The following LRP1B variants were observed in gnomAD, a reference collection of about 807,000 sequenced individuals.
The protein encoded by LRP1B is low-density lipoprotein receptor-related protein 1B.
Under a neutral mutation model 556.6 loss-of-function variants are expected in LRP1B, and 217 were observed. That is an observed-to-expected ratio of 0.39 (90% confidence interval 0.35 to 0.44). LRP1B has a LOEUF of 0.44. Among genes scored for constraint, LRP1B ranks in the 20% least tolerant of loss-of-function variants. LRP1B has a pLI of 1.00. For synonymous variants in LRP1B, 2,047 were observed against 1,865.8 expected (o/e 1.10, Z -2.50); for missense variants, 5,053 against 5,620.8 (o/e 0.90, Z 3.23).
At position 141,988,329 on chromosome 2, in the gene LRP1B, G is replaced by A. The variant is rs868075268; in HGVS notation, c.82+142319C>T. On this transcript the variant is annotated intron_variant, in intron 1 of 90. Transcript: ENST00000389484. ...TTTATTCTCTTTATTAAATCACTGA[G>A]GTCCTTGGTTGTAGAATAGATTCAA... Among the ~76,000 whole-genome samples the A allele has an allele frequency of 5.9e-5, 9 of 151,710 alleles. No individual in the cohort carries two copies. The South Asian group carries it at 6.2e-4, about 11-fold the overall frequency.
At position 141,008,152 on chromosome 2, in the gene LRP1B, G is replaced by A. The variant is rs892994361; in HGVS notation, c.2381-2695C>T. 1.3e-5 allele frequency among the ~76,000 whole-genome samples: 2 copies of A among 150,974 alleles called. 1 individual carries two copies. Among genetic ancestry groups the A allele is most frequent in the Non-Finnish European group, 3.0e-5 (2 of 67,530 alleles). On this transcript the variant is annotated intron_variant, in intron 14 of 90. Coordinates refer to ENST00000389484, the MANE Select transcript of LRP1B (RefSeq NM_018557.3). ...AACATGTTTAAGTAACTACAAATAT[G>A]GTGCTAAAAATTTTTATACCTATAT...
At chr2:140,268,950 A>G (rs1433060048) in intron 86 of LRP1B, among the ~76,000 whole-genome samples, 1 of 152,016 alleles carries the variant, frequency 6.6e-6, no homozygotes, top group Non-Finnish European at 1.5e-5. Context: ...TTCCAAATAT[A>G]GCATATGGAA....
At chr2:141,727,948 T>A (rs1420793932) in intron 2 of LRP1B, among the ~76,000 whole-genome samples, 1 of 152,144 alleles carries the variant, frequency 6.6e-6, no homozygotes, top group Non-Finnish European at 1.5e-5. Flanking sequence ...GTTGTTCTTT[T>A]GTTTTTGGTA....
At chr2:140,776,541 G>A (rs11691422) in intron 32 of LRP1B, among the ~76,000 whole-genome samples, 117,324 of 138,378 alleles carry the variant, frequency 0.85, 50,280 homozygotes, top group East Asian at 1. Flanking sequence ...AAATAAAAGC[G>A]TATTTCAAAT....
At chr2:141,979,263 T>G (rs547450818) in intron 1 of LRP1B, among the ~76,000 whole-genome samples, 1 of 152,248 alleles carries the variant, frequency 6.6e-6, no homozygotes, top group South Asian at 2.1e-4. Flanking sequence ...AGCAAAGAGA[T>G]AGAAATGTTT....
At chr2:141,838,427 A>G (rs1305507693) in intron 1 of LRP1B, among the ~76,000 whole-genome samples, 4 of 152,144 alleles carry the variant, frequency 2.6e-5, no homozygotes, top group Non-Finnish European at 5.9e-5. Flanking sequence ...CTATTTAGTG[A>G]CTGTTTGAGT....
At chr2:140,492,746 C>A (rs1475483361) in intron 56 of LRP1B, 53 bp from the exon 57 acceptor site, 1 of 1,247,152 alleles carries the variant, frequency 8.0e-7, no homozygotes, top group South Asian at 1.2e-5. Flanking sequence ...TGCTTTTCCC[C>A]TTTGCATAAT....
chr2:140,798,863 C>T (rs1377029323), intron 32 of LRP1B, among the ~76,000 whole-genome samples: 1 of 152,066 alleles, frequency 6.6e-6, no homozygotes. Context: ...ATGTTAGAGA[C>T]CCAGTTTTGA....
intron 1 of LRP1B, among the ~76,000 whole-genome samples, chr2:142,100,960 G>T (rs991769766): frequency 6.6e-6 from 1 of 151,974 alleles, no homozygotes. Flanking sequence ...AAAAGAAAGA[G>T]AAAGGAAGAG....
intron 29 of LRP1B, 122 bp downstream of exon 29, chr2:140,849,980 C>A: frequency 1.5e-6 from 1 of 655,300 alleles, no homozygotes. Flanking sequence ...AATCTCTAAT[C>A]AATTCTAACT....
chr2:141,053,386 CTTCT>C (rs1248897963), intron 10 of LRP1B, among the ~76,000 whole-genome samples: 3 of 151,926 alleles, frequency 2.0e-5, no homozygotes, highest in East Asian at 2.0e-4. Context: ...CTCTCCTCCT[CTTCT>C]TTATTTTTTG....
chr2:141,568,590 A>T (rs1184060603), intron 2 of LRP1B, among the ~76,000 whole-genome samples: 1 of 151,308 alleles, frequency 6.6e-6, no homozygotes, highest in African/African-American at 2.4e-5. Flanking sequence ...AAGTAGTTTC[A>T]TCTACAGATC....
chr2:141,897,078 T>C (rs1699476410), intron 1 of LRP1B, among the ~76,000 whole-genome samples: 1 of 152,128 alleles, frequency 6.6e-6, no homozygotes, highest in East Asian at 1.9e-4. Context: ...GTATTCCTGT[T>C]CTGGAATCAA....
At chr2:141,254,733 G>T in intron 3 of LRP1B, 92 bp from the exon 4 acceptor site, 1 of 933,036 alleles carries the variant, frequency 1.1e-6, no homozygotes, top group Non-Finnish European at 1.5e-6. Flanking sequence ...CTATAGTCTT[G>T]ATTGTTCTCC....
intron 7 of LRP1B, among the ~76,000 whole-genome samples, chr2:141,108,343 T>TC (rs1700661209): frequency 8.8e-6 from 1 of 114,198 alleles, no homozygotes. Flanking sequence ...TCTTTTTTTT[T>TC]TTTTTTTTTT....
At chr2:141,722,937 C>T (rs893974386) in intron 2 of LRP1B, among the ~76,000 whole-genome samples, 3 of 152,114 alleles carry the variant, frequency 2.0e-5, no homozygotes, top group African/African-American at 7.2e-5. Flanking sequence ...TTACCATATT[C>T]GTCCAGTCTT....
At chr2:141,350,756 T>C (rs534618018) in intron 3 of LRP1B, among the ~76,000 whole-genome samples, 6 of 152,208 alleles carry the variant, frequency 3.9e-5, no homozygotes, top group East Asian at 3.9e-4. Context: ...GCCAAGTCCC[T>C]GTTTAACAAC....
chr2:141,703,509 C>T (rs996275657), intron 2 of LRP1B, among the ~76,000 whole-genome samples: 6 of 151,938 alleles, frequency 3.9e-5, no homozygotes, highest in Non-Finnish European at 4.4e-5. Context: ...TGCATTACTT[C>T]CAGTACAGAG....
At chr2:141,568,274 G>T (rs1262630386) in intron 2 of LRP1B, among the ~76,000 whole-genome samples, 5 of 150,936 alleles carry the variant, frequency 3.3e-5, no homozygotes, top group Non-Finnish European at 5.9e-5. Context: ...TTTCTCATGA[G>T]ATTTATATAC....
Sources: allele counts gnomAD v4.1 joint callset (sites outside exome capture counted in the v4.1 genomes callset), GRCh38; gene constraint gnomAD v4.1.1; transcripts MANE v1.5; gene names NCBI Gene and HGNC (gene_info 2026-07-23, HGNC 2026-07-21).